Variants in TDRD3 observed in about 807,000 individuals in gnomAD.
TDRD3 encodes the protein tudor domain containing 3, also known as tudor domain-containing protein 3.
Under a neutral mutation model 86.7 loss-of-function variants are expected in TDRD3, and 45 were observed. That is an observed-to-expected ratio of 0.52 (90% CI 0.41 to 0.67). TDRD3 has a LOEUF of 0.67. Ranked by LOEUF, TDRD3 falls within the 30% of genes least tolerant of loss-of-function variation. TDRD3 has a pLI of 0.00. For missense variants in TDRD3, 814 were observed against 889.0 expected (o/e 0.92, Z 1.07); for synonymous variants, 298 against 301.7 (o/e 0.99, Z 0.13).
chr13:60,458,650 C>T (rs1955733253), intron 3 of TDRD3, among the ~76,000 whole-genome samples: 1 of 152,140 alleles, frequency 6.6e-6, no homozygotes, highest in Non-Finnish European at 1.5e-5. Context: ...TCATCACCAA[C>T]TGTGTGATGG....
chr13:60,499,669 A>G (rs1363914818), intron 8 of TDRD3, among the ~76,000 whole-genome samples: 1 of 152,224 alleles, frequency 6.6e-6, no homozygotes, highest in Non-Finnish European at 1.5e-5. Context: ...TGGGAAATAA[A>G]TCTGACTAAA....
At chr13:60,398,858 C>T (rs1566162536) in intron 1 of TDRD3, among the ~76,000 whole-genome samples, 1 of 149,466 alleles carries the variant, frequency 6.7e-6, no homozygotes, top group East Asian at 1.9e-4. Flanking sequence ...GGAATCTCTT[C>T]TTTCAGTTTT....
chr13:60,407,984 A>G (rs1954273199), intron 1 of TDRD3, among the ~76,000 whole-genome samples: 1 of 152,230 alleles, frequency 6.6e-6, no homozygotes, highest in African/African-American at 2.4e-5. Context: ...TGGGTTTTTC[A>G]GGGGTTTCCG....
At chr13:60,566,609 A>G (rs1245297527) in intron 12 of TDRD3, among the ~76,000 whole-genome samples, 1 of 152,186 alleles carries the variant, frequency 6.6e-6, no homozygotes, top group Non-Finnish European at 1.5e-5. Flanking sequence ...ACTTAGTGAA[A>G]TAGATGCTTT....
intron 1 of TDRD3, among the ~76,000 whole-genome samples, chr13:60,418,280 A>G (rs1445886086): frequency 1.3e-5 from 2 of 151,818 alleles, no homozygotes; most frequent in Non-Finnish European, 2.9e-5. Context: ...TCTCCATTTA[A>G]GTTAGTTAAT....
chr13:60,404,334 G>A (rs1346677537), intron 1 of TDRD3, among the ~76,000 whole-genome samples: 1 of 142,760 alleles, frequency 7.0e-6, no homozygotes, highest in Non-Finnish European at 1.5e-5. Context: ...TTTTTGAGAC[G>A]GAGTCTCGCT....
At chr13:60,453,412 G>A (rs1451207433) in intron 3 of TDRD3, among the ~76,000 whole-genome samples, 6 of 152,120 alleles carry the variant, frequency 3.9e-5, no homozygotes. Flanking sequence ...ATAAATTAGA[G>A]TAATTGTTTT....
chr13:60,420,930 T>C (rs1954638648), intron 1 of TDRD3, among the ~76,000 whole-genome samples: 1 of 152,174 alleles, frequency 6.6e-6, no homozygotes, highest in Non-Finnish European at 1.5e-5. Context: ...GGTGACAGAC[T>C]GAGACTCCGT....
intron 1 of TDRD3, among the ~76,000 whole-genome samples, chr13:60,398,485 A>T (rs537227768): frequency 6.6e-6 from 1 of 152,326 alleles, no homozygotes; most frequent in South Asian, 2.1e-4. Context: ...CAGAACCTAC[A>T]CAAGATCTAT....
At chr13:60,490,072 T>TA (rs1555281494) in intron 7 of TDRD3, among the ~76,000 whole-genome samples, 2 of 149,888 alleles carry the variant, frequency 1.3e-5, no homozygotes, top group South Asian at 2.1e-4. Context: ...TTTTTTTTTT[T>TA]ACAGCAGACA....
chr13:60,538,948 G>A (rs1405296374), intron 12 of TDRD3, among the ~76,000 whole-genome samples: 1 of 152,106 alleles, frequency 6.6e-6, no homozygotes, highest in African/African-American at 2.4e-5. Flanking sequence ...GTGTGCTAAT[G>A]TCTAAACTTT....
chr13:60,517,794 C>T (rs1269207188), intron 10 of TDRD3, among the ~76,000 whole-genome samples: 1 of 152,152 alleles, frequency 6.6e-6, no homozygotes, highest in Non-Finnish European at 1.5e-5. Flanking sequence ...ATAGTCTGTG[C>T]CAGAGCCACT....
In TDRD3 at chr13:60,509,932, A is replaced by G. The variant is rs1461069687; in HGVS notation, c.1015+13A>G. The G allele has an allele frequency of 6.2e-7, 1 of 1,612,082 alleles. No individual in the cohort carries two copies. The highest frequency in any genetic ancestry group is 1.7e-5 in the Admixed American group (1 of 59,814). On this transcript the variant is annotated intron_variant, in intron 9 of 13. Transcript: ENST00000377881. Reference sequence around the variant, plus strand: ...CCTCCTCTGAGAGGTATAATTTATTAAGCAGTGTGCCAGATAGTATTGTTT... The same window carrying G: ...CCTCCTCTGAGAGGTATAATTTATTGAGCAGTGTGCCAGATAGTATTGTTT...
At chr13:60,507,216 A>G (rs1208891085) in intron 8 of TDRD3, among the ~76,000 whole-genome samples, 1 of 152,202 alleles carries the variant, frequency 6.6e-6, no homozygotes, top group African/African-American at 2.4e-5. Flanking sequence ...TTAGAGACCT[A>G]CAAAGAGATC....
At chr13:60,487,137 A>G (rs1007683436) in intron 7 of TDRD3, among the ~76,000 whole-genome samples, 8 of 152,180 alleles carry the variant, frequency 5.3e-5, no homozygotes, top group Non-Finnish European at 1.2e-4. Context: ...ATGATATGGT[A>G]TAGCAGCTAT....
chr13:60,541,716 CTTTTTTTTTTTTTTTTT>C (rs71199007), intron 12 of TDRD3, among the ~76,000 whole-genome samples: 4 of 41,034 alleles, frequency 9.7e-5, no homozygotes, highest in Middle Eastern at 0.037. Context: ...TCAGCATAGT[CTTTTTTTTTTTTTTTTT>C]TTTTTTTTTT....
chr13:60,513,297 T>G (rs917868256), intron 10 of TDRD3, among the ~76,000 whole-genome samples: 1 of 152,116 alleles, frequency 6.6e-6, no homozygotes, highest in African/African-American at 2.4e-5. Context: ...ATGAAACCAT[T>G]TTTTCCTCCT....
chr13:60,430,180 A>G (rs187006475), intron 1 of TDRD3, among the ~76,000 whole-genome samples: 6 of 152,298 alleles, frequency 3.9e-5, no homozygotes, highest in Admixed American at 1.3e-4. Context: ...CTCTCCAGCT[A>G]CTCATGAAAA....
At chr13:60,494,670 A>G in intron 8 of TDRD3, 95 bp downstream of exon 8, 1 of 1,142,340 alleles carries the variant, frequency 8.8e-7, no homozygotes, top group Non-Finnish European at 1.2e-6. Flanking sequence ...TGTGCAATGT[A>G]TTATGGATAG....
Sources: gnomAD v4.1 joint callset for allele counts (sites outside exome capture counted in the v4.1 genomes callset) on GRCh38, gnomAD v4.1.1 for gene constraint, MANE v1.5 for transcripts, NCBI Gene and HGNC (gene_info 2026-07-23, HGNC 2026-07-21) for gene names.